CLPTM1: variants seen among roughly 807,000 people sequenced by gnomAD.
CLPTM1 encodes putative lipid scramblase CLPTM1.
Under a neutral mutation model 77.3 loss-of-function variants are expected in CLPTM1, and 21 were observed. The ratio of observed to expected loss-of-function variants is 0.27; its 90% CI spans 0.19 to 0.39. CLPTM1 has a LOEUF of 0.39. Ranked by LOEUF, CLPTM1 falls within the 10% of genes least tolerant of loss-of-function variation. The pLI is 1.00. For synonymous variants in CLPTM1, 373 were observed against 381.0 expected (o/e 0.98, Z 0.24); for missense variants, 642 against 921.2 (o/e 0.70, Z 3.92).
At position 44,973,068 on chromosome 19, in the gene CLPTM1, T is replaced by G. The variant is rs370986502; in HGVS notation, c.186-19T>G. ...AGCCAAGGCTTGGGGACTCACCACC[T>G]TGCTGCTTCTCTCCTCAGGATCTTC... On this transcript the variant is annotated intron_variant, in intron 2 of 13. Coordinates refer to ENST00000337392, the MANE Select transcript of CLPTM1 (RefSeq NM_001294.4). 2.1e-5 allele frequency: 34 copies of G among 1,612,132 alleles called. No individual in the cohort carries two copies. Among genetic ancestry groups the G allele is most frequent in the African/African-American group, 2.7e-5 (2 of 74,894 alleles).
In CLPTM1 at chr19:44,993,016, C is replaced by A; in HGVS notation, c.*119C>A. ...CAGATCAGGCCGGGGCGGTGGGAGG[C>A]CCGCCTCAGGTCAGGGCCCAGCGTG... On this transcript the variant is annotated 3_prime_UTR_variant, in exon 14 of 14. Coordinates refer to ENST00000337392, the MANE Select transcript of CLPTM1 (RefSeq NM_001294.4). 2 of 1,286,854 alleles carry A rather than the reference C, an allele frequency of 1.6e-6. No homozygotes were observed. Among genetic ancestry groups the A allele is most frequent in the Non-Finnish European group, 1.1e-6 (1 of 916,518 alleles). The allele number at this position is 1,286,854 out of a possible 1,614,324, so 79.7% of individuals were successfully genotyped here. A position where few individuals can be genotyped will look rare whatever the true frequency, so the allele number is the denominator to read the frequency against.
At chr19:44,963,606 T>A (rs903482460) in intron 2 of CLPTM1, among the ~76,000 whole-genome samples, 1 of 151,692 alleles carries the variant, frequency 6.6e-6, no homozygotes, top group African/African-American at 2.4e-5. Context: ...ATTACAGGTG[T>A]GAGCCACCGC....
intron 8 of CLPTM1, 106 bp downstream of exon 8, chr19:44,987,529 C>A: frequency 6.9e-7 from 1 of 1,453,644 alleles, no homozygotes; most frequent in South Asian, 1.3e-5. Flanking sequence ...CCTGGTGCTC[C>A]TCTGCCCACA....
At chr19:44,976,659 A>T (rs1298510210) in intron 4 of CLPTM1, among the ~76,000 whole-genome samples, 1 of 152,108 alleles carries the variant, frequency 6.6e-6, no homozygotes, top group East Asian at 1.9e-4. Flanking sequence ...ATCAAGTGAG[A>T]ATAGTCCCCC....
At chr19:44,972,217 G>T (rs1970729869) in intron 2 of CLPTM1, among the ~76,000 whole-genome samples, 1 of 150,188 alleles carries the variant, frequency 6.7e-6, no homozygotes, top group Non-Finnish European at 1.5e-5. Flanking sequence ...GACTAGAGTT[G>T]CCGTGTTTTG....
upstream of CLPTM1, chr19:44,954,746 T>C: frequency 7.6e-7 from 1 of 1,317,714 alleles, no homozygotes; most frequent in Non-Finnish European, 9.7e-7. Context: ...GGCAGGGCAG[T>C]CCGAAGGCTT....
At chr19:44,983,680 G>T (rs1241115024) in intron 5 of CLPTM1, among the ~76,000 whole-genome samples, 3 of 145,446 alleles carry the variant, frequency 2.1e-5, no homozygotes. Flanking sequence ...GCTTCTTTTC[G>T]GGCCAGGTGC....
At position 44,990,347 on chromosome 19, in the gene CLPTM1, C is replaced by T. The variant is rs749293579; in HGVS notation, c.1133-48C>T. ...GGGCCTGAGGGAGCTGCAGTAGGGT[C>T]TCAGCACCTCCTCAGCCTCCTGGTT... On this transcript the variant is annotated intron_variant, in intron 9 of 13. Transcript: ENST00000337392. The surrounding 1 kb of genome is among the most constrained non-coding windows in gnomAD (Gnocchi z 4.8). The T allele has an allele frequency of 1.3e-6, 2 of 1,587,938 alleles. No individual in the cohort carries two copies. Among genetic ancestry groups the T allele is most frequent in the Non-Finnish European group, 1.7e-6 (2 of 1,161,260 alleles).
chr19:44,983,430 G>C (rs143668237), intron 5 of CLPTM1, among the ~76,000 whole-genome samples: 7,930 of 148,494 alleles, frequency 0.053, 221 homozygotes, highest in South Asian at 0.088. Flanking sequence ...ACCAGCCTGG[G>C]CAACATGGTG....
intron 2 of CLPTM1, among the ~76,000 whole-genome samples, chr19:44,971,153 C>G (rs1970712005): frequency 6.6e-6 from 1 of 152,062 alleles, no homozygotes; most frequent in Non-Finnish European, 1.5e-5. Flanking sequence ...CTTTAGGATT[C>G]CCACTTTCCC....
intron 8 of CLPTM1, 83 bp downstream of exon 8, chr19:44,987,506 G>T: frequency 6.4e-7 from 1 of 1,554,372 alleles, no homozygotes; most frequent in Non-Finnish European, 8.7e-7. Flanking sequence ...GGCCTGGGCT[G>T]TGGGACCTCC....
chr19:44,965,305 C>G (rs1049319836), intron 2 of CLPTM1, among the ~76,000 whole-genome samples: 1 of 151,212 alleles, frequency 6.6e-6, no homozygotes, highest in Non-Finnish European at 1.5e-5. Context: ...CGAGACCATC[C>G]TGGCCAATAT....
In CLPTM1 at chr19:44,990,499, A is replaced by T. The variant is rs1194778255; in HGVS notation, c.1237A>T (p.Asn413Tyr). ...SFVVLLYILDNETNFVVQVSV... is the reference protein window; with the variant it reads ...SFVVLLYILDYETNFVVQVSV... ...CGTGGTCCTCCTCTACATCCTGGACAACGAGACCAACTTCGTGGTCCAGGT... is the reference window on the plus strand; with the variant it reads ...CGTGGTCCTCCTCTACATCCTGGACTACGAGACCAACTTCGTGGTCCAGGT... The change falls in exon 10 of 14, where the codon AAC becomes TAC. Residue 413 changes from asparagine (N) to tyrosine (Y), a missense_variant. Physicochemically the swap from Asn to Tyr is moderately radical, Grantham distance 143. This residue lies in a region of CLPTM1 where 521 missense variants were observed against 800.4 expected (regional missense o/e 0.65). Transcript: ENST00000337392. This position sits in a 1 kb window ranked among gnomAD's most constrained non-coding sequence, Gnocchi z 4.8. The T allele has an allele frequency of 6.2e-7, 1 of 1,614,012 alleles. No individual in the cohort carries two copies. The highest frequency in any genetic ancestry group is 1.3e-5 in the African/African-American group (1 of 74,924).
At chr19:44,971,384 A>G (rs1256386184) in intron 2 of CLPTM1, among the ~76,000 whole-genome samples, 3 of 152,030 alleles carry the variant, frequency 2.0e-5, no homozygotes, top group Non-Finnish European at 2.9e-5. Context: ...AGCTTTTCCA[A>G]TTTTTTCCAG....
At chr19:44,980,480 G>C (rs1970876572) in intron 5 of CLPTM1, among the ~76,000 whole-genome samples, 1 of 138,614 alleles carries the variant, frequency 7.2e-6, no homozygotes, top group Non-Finnish European at 1.5e-5. Flanking sequence ...CTGTACTCTA[G>C]CCTGGGCGAC....
intron 2 of CLPTM1, among the ~76,000 whole-genome samples, chr19:44,968,713 CA>C (rs1970672430): frequency 6.6e-6 from 1 of 152,164 alleles, no homozygotes; most frequent in Non-Finnish European, 1.5e-5. Context: ...TCTAGAAGCC[CA>C]GAGGGGTTAG....
At chr19:44,965,496 C>CAA (rs925803308) in intron 2 of CLPTM1, among the ~76,000 whole-genome samples, 10 of 138,048 alleles carry the variant, frequency 7.2e-5, no homozygotes, top group Admixed American at 3.0e-4. Flanking sequence ...GACTGAGTCT[C>CAA]AAAAAAAAAA....
At chr19:44,956,747 C>T (rs1280781415) in intron 1 of CLPTM1, among the ~76,000 whole-genome samples, 1 of 152,168 alleles carries the variant, frequency 6.6e-6, no homozygotes, top group Non-Finnish European at 1.5e-5. Flanking sequence ...AGGTTGTTCT[C>T]ATTGCCCTGA....
chr19:44,955,298 C>T (rs919743726), upstream of CLPTM1: 9 of 1,440,778 alleles, frequency 6.2e-6, no homozygotes, highest in Non-Finnish European at 9.1e-7. Flanking sequence ...ATAGGGTGGC[C>T]CGGCGGGGCT....
Sources: allele counts gnomAD v4.1 joint callset (sites outside exome capture counted in the v4.1 genomes callset), GRCh38; gene constraint gnomAD v4.1.1; regional missense constraint gnomAD v4.1.1; non-coding constraint Gnocchi (gnomAD v3.1); transcripts MANE v1.5; gene names NCBI Gene and HGNC (gene_info 2026-07-23, HGNC 2026-07-21).